NOL4L: variants seen among roughly 807,000 people sequenced by gnomAD.
NOL4L encodes the protein nucleolar protein 4 like, also known as nucleolar protein 4-like.
In NOL4L, 7 loss-of-function variants were observed where a neutral mutation model predicts 64.5. The ratio of observed to expected loss-of-function variants is 0.11; its 90% CI spans 0.06 to 0.20. The LOEUF is 0.20. Among genes scored for constraint, NOL4L ranks in the 10% least tolerant of loss-of-function variants. The pLI, the probability that NOL4L is intolerant of heterozygous loss-of-function variation, is 1.00. For missense variants in NOL4L, 680 were observed against 967.1 expected (o/e 0.70, Z 3.94); for synonymous variants, 413 against 401.0 (o/e 1.03, Z -0.36).
chr20:32,479,572 CAA>C (rs965234119), intron 4 of NOL4L, among the ~76,000 whole-genome samples: 3 of 151,246 alleles, frequency 2.0e-5, no homozygotes, highest in African/African-American at 7.3e-5. Flanking sequence ...TCTCTATTTA[CAA>C]AAAAAAAGTG....
chr20:32,475,086 C>T, intron 4 of NOL4L: 1 of 985,486 alleles, frequency 1.0e-6, no homozygotes, highest in Non-Finnish European at 1.2e-6. Flanking sequence ...CCGCTCCCTG[C>T]TCTCAGCCCA....
chr20:32,565,781 A>G (rs1398157143), intron 1 of NOL4L, among the ~76,000 whole-genome samples: 1 of 152,238 alleles, frequency 6.6e-6, no homozygotes, highest in Non-Finnish European at 1.5e-5. Flanking sequence ...CGTTAGGCAC[A>G]GTGGCTCACG....
chr20:32,453,785 G>T lies in NOL4L; in HGVS notation c.1120-24C>A. 1 of 1,549,386 alleles carries T rather than the reference G, an allele frequency of 6.5e-7. No individual in the cohort carries two copies. ...GACTAAAAGGAGGGCAAGAGGCAGA[G>T]GGTTGGGCCAAGCAGCTGCTCAAGC... On this transcript the variant is annotated intron_variant, in intron 6 of 10. Transcript: ENST00000621426. This position sits in a 1 kb window ranked among gnomAD's most constrained non-coding sequence, Gnocchi z 5.6.
At chr20:32,518,480 G>A (rs1171879223) in intron 3 of NOL4L, among the ~76,000 whole-genome samples, 1 of 152,254 alleles carries the variant, frequency 6.6e-6, no homozygotes, top group Non-Finnish European at 1.5e-5. Context: ...AGCATGGGGA[G>A]ACCTCGCAGC....
chr20:32,499,537 C>G (rs910295072), intron 4 of NOL4L, among the ~76,000 whole-genome samples: 30 of 152,008 alleles, frequency 2.0e-4, no homozygotes, highest in Admixed American at 5.9e-4. Flanking sequence ...CCAGGAGTTT[C>G]AGACCAGCTT....
chr20:32,469,265 G>A (rs913460368), intron 5 of NOL4L, among the ~76,000 whole-genome samples: 4 of 152,200 alleles, frequency 2.6e-5, no homozygotes, highest in African/African-American at 9.7e-5. Context: ...AAAAGAAAAT[G>A]AGGCTCTGGT....
Position 32,470,412 on chromosome 20 carries a change from C to T in NOL4L, c.841+4189G>A, listed in dbSNP as rs76065329. Among the ~76,000 whole-genome samples, 339 of 152,388 alleles carry T rather than the reference C, an allele frequency of 2.2e-3. 3 individuals are homozygous for T. Among genetic ancestry groups the T allele is most frequent in the African/African-American group, 7.8e-3 (323 of 41,598 alleles). On this transcript the variant is annotated intron_variant, in intron 5 of 10. Coordinates refer to ENST00000621426, the MANE Select transcript of NOL4L (RefSeq NM_001256798.2). ...CCACTCATTCATTCAACAAACAGCA[C>T]CCCAGCACCTGCGTGGTGCCAGGCC... is the stretch of plus-strand genomic sequence containing the variant.
intron 1 of NOL4L, among the ~76,000 whole-genome samples, chr20:32,530,535 C>T (rs1484089129): frequency 6.7e-6 from 1 of 149,102 alleles, no homozygotes; most frequent in African/African-American, 2.5e-5. Flanking sequence ...AGCGAGATTC[C>T]ATCTCAAAAA....
Position 32,474,679 on chromosome 20 carries a change from G to T in NOL4L, c.763C>A (p.Pro255Thr). ...GGGCTCAGGCTGGAGGCCAGGTGCGGGTCAGCTGACATCCATGTGGAGTCG... is the reference window on the plus strand; with the variant it reads ...GGGCTCAGGCTGGAGGCCAGGTGCGTGTCAGCTGACATCCATGTGGAGTCG... ...MSDSTWMSAD[P>T]HLASSLSPSQ... is the part of the protein sequence containing the mutation. The change falls in exon 5 of 11, where the codon CCG becomes ACG. Residue 255 changes from proline (P) to threonine (T), a missense_variant. Pro to Thr is a conservative substitution (Grantham distance 38). Coordinates refer to ENST00000621426, the MANE Select transcript of NOL4L (RefSeq NM_001256798.2). The T allele has an allele frequency of 6.2e-7, 1 of 1,613,814 alleles. No individual in the cohort carries two copies. Among genetic ancestry groups the T allele is most frequent in the Non-Finnish European group, 8.5e-7 (1 of 1,179,972 alleles).
At chr20:32,543,280 C>T (rs1020460492) in intron 1 of NOL4L, among the ~76,000 whole-genome samples, 1 of 152,116 alleles carries the variant, frequency 6.6e-6, no homozygotes, top group African/African-American at 2.4e-5. Flanking sequence ...AAGGGTGATA[C>T]CCAGCCTGGC....
At chr20:32,501,595 T>C (rs1264970599) in intron 4 of NOL4L, among the ~76,000 whole-genome samples, 2 of 152,178 alleles carry the variant, frequency 1.3e-5, no homozygotes, top group African/African-American at 4.8e-5. Context: ...CGGGAAACTG[T>C]GTGTCGAGGA....
chr20:32,579,956 T>A (rs983882465), intron 1 of NOL4L, among the ~76,000 whole-genome samples: 33 of 152,096 alleles, frequency 2.2e-4, no homozygotes, highest in Non-Finnish European at 2.9e-5. Context: ...ACAGACTTTA[T>A]GTTGTGCCAG....
In NOL4L at chr20:32,452,902, C is replaced by G; in HGVS notation, c.1602G>C (p.Glu534Asp). The G allele has an allele frequency of 6.2e-7, 1 of 1,614,072 alleles. No individual in the cohort carries two copies. The highest frequency in any genetic ancestry group is 8.5e-7 in the Non-Finnish European group (1 of 1,180,024). Residue 534 changes from glutamate to aspartate, a missense_variant, in exon 9 of 11, where the codon GAG (glutamate) becomes GAC (aspartate). By Grantham distance (45) the Glu-to-Asp change is conservative. Coordinates refer to ENST00000621426, the MANE Select transcript of NOL4L (RefSeq NM_001256798.2). ...CAGGTACCTGTGAGGACTGGTAGATCTCTAGACGCATCCGCTTGGCTGCCT... is the reference window on the plus strand; with the variant it reads ...CAGGTACCTGTGAGGACTGGTAGATGTCTAGACGCATCCGCTTGGCTGCCT... Reference protein sequence around the residue: ...TRKAAKRMRLEIYQSSQDEPI... With the variant: ...TRKAAKRMRLDIYQSSQDEPI...
intron 4 of NOL4L, among the ~76,000 whole-genome samples, chr20:32,499,184 A>T (rs570550490): frequency 1.4e-4 from 21 of 151,700 alleles, no homozygotes; most frequent in African/African-American, 3.1e-4. Context: ...GCCAAAAAAA[A>T]TTTTTTTTTA....
At chr20:32,475,621 A>G (rs1165324553) in intron 4 of NOL4L, among the ~76,000 whole-genome samples, 1 of 152,254 alleles carries the variant, frequency 6.6e-6, no homozygotes. Flanking sequence ...AGGAGCAGCA[A>G]GCAACTGTGC....
intron 5 of NOL4L, among the ~76,000 whole-genome samples, chr20:32,457,140 G>A (rs1037257564): frequency 2.0e-5 from 3 of 152,246 alleles, no homozygotes; most frequent in Admixed American, 2.0e-4. Flanking sequence ...GCCCCCTGCC[G>A]CAAAGAGCGC....
chr20:32,521,761 A>G (rs2017945189), intron 2 of NOL4L, among the ~76,000 whole-genome samples: 1 of 152,000 alleles, frequency 6.6e-6, no homozygotes, highest in Non-Finnish European at 1.5e-5. Flanking sequence ...AAAGCCACTG[A>G]CCCTGATTTA....
chr20:32,482,162 G>A (rs2015768486), intron 4 of NOL4L, among the ~76,000 whole-genome samples: 1 of 152,100 alleles, frequency 6.6e-6, no homozygotes, highest in African/African-American at 2.4e-5. Context: ...ATGTTTTAGA[G>A]GGGGAAAAAA....
intron 1 of NOL4L, among the ~76,000 whole-genome samples, chr20:32,578,376 G>A (rs1013089801): frequency 3.7e-4 from 57 of 152,164 alleles, no homozygotes; most frequent in African/African-American, 1.3e-3. Flanking sequence ...TGGGGCCCAT[G>A]GGCCTAGCCT....
Sources: allele counts gnomAD v4.1 joint callset (sites outside exome capture counted in the v4.1 genomes callset), GRCh38; gene constraint gnomAD v4.1.1; non-coding constraint Gnocchi (gnomAD v3.1); transcripts MANE v1.5; gene names NCBI Gene and HGNC (gene_info 2026-07-23, HGNC 2026-07-21).